CACNA1A: variants seen among roughly 807,000 people sequenced by gnomAD.
CACNA1A encodes the protein calcium voltage-gated channel subunit alpha1 A.
A neutral mutation model predicts 262.4 loss-of-function variants in CACNA1A; 57 were observed. The observed-to-expected ratio is 0.22, with a 90% CI of 0.18 to 0.27. CACNA1A has a LOEUF of 0.27. Among genes scored for constraint, CACNA1A ranks in the 10% least tolerant of loss-of-function variants. The pLI is 1.00. For synonymous variants in CACNA1A, 1,431 were observed against 1,419.3 expected, an observed-to-expected ratio of 1.01 and a Z score of -0.18; for missense variants, 2,526 against 3,562.8, an observed-to-expected ratio of 0.71 and a Z score of 7.41.
chr19:13,282,929 C>T (rs941576348), intron 22 of CACNA1A, among the ~76,000 whole-genome samples: 4 of 152,164 alleles, frequency 2.6e-5, no homozygotes, highest in Non-Finnish European at 2.9e-5. Flanking sequence ...CTGAGCACCG[C>T]CCCTGCCCCA....
chr19:13,287,331 A>G (rs921862454), intron 19 of CACNA1A, among the ~76,000 whole-genome samples: 4 of 151,978 alleles, frequency 2.6e-5, no homozygotes, highest in Non-Finnish European at 5.9e-5. Flanking sequence ...AGTCTGGGTG[A>G]CAGAGTGAGA....
Position 13,210,607 on chromosome 19 carries a change from C to A in CACNA1A, c.6339+10G>T, listed in dbSNP as rs376238265. The A allele has an allele frequency of 7.0e-6, 11 of 1,560,868 alleles. No individual in the cohort carries two copies. The highest frequency in any genetic ancestry group is 8.7e-6 in the Non-Finnish European group (10 of 1,153,702). On this transcript the variant is annotated intron_variant, in intron 44 of 46. Coordinates refer to ENST00000360228, the MANE Select transcript of CACNA1A (RefSeq NM_001127222.2). The stretch of plus-strand genomic sequence containing the variant: ...AGCCCTGCTGGGCGCTGGGCAGGCG[C>A]GGTACATACACTGAGGTTATTCCCA...
intron 1 of CACNA1A, among the ~76,000 whole-genome samples, chr19:13,469,906 C>A (rs980945382): frequency 1.3e-5 from 2 of 152,010 alleles, no homozygotes; most frequent in Admixed American, 6.6e-5. Flanking sequence ...TTGATTATAT[C>A]GCACTTTCTT....
rs549825491 is a variant in CACNA1A, at chr19:13,388,652, T to C, written c.540-16873A>G. Among the ~76,000 whole-genome samples, 22 of 152,316 alleles carry C rather than the reference T, an allele frequency of 1.4e-4. 1 individual carries two copies. The highest frequency in any genetic ancestry group is 3.1e-4 in the African/African-American group (13 of 41,592). ...GGGATATCTTTACCTTTGGTCTGTA[T>C]GACGCCTGTCTCTTGTTTATACCTT... On this transcript the variant is annotated intron_variant, in intron 3 of 46. Coordinates refer to ENST00000360228, the MANE Select transcript of CACNA1A (RefSeq NM_001127222.2).
At chr19:13,387,606 G>C (rs1410574767) in intron 3 of CACNA1A, among the ~76,000 whole-genome samples, 1 of 152,168 alleles carries the variant, frequency 6.6e-6, no homozygotes, top group East Asian at 1.9e-4. Flanking sequence ...TGGGAAGGAG[G>C]TCAATTCTCT....
intron 3 of CACNA1A, among the ~76,000 whole-genome samples, chr19:13,373,909 C>G (rs1307397084): frequency 6.6e-6 from 1 of 152,138 alleles, no homozygotes; most frequent in African/African-American, 2.4e-5. Context: ...AAAACATGCA[C>G]ACAATGAGTG....
At chr19:13,290,874 C>T (rs767900550) in intron 19 of CACNA1A, among the ~76,000 whole-genome samples, 1 of 152,112 alleles carries the variant, frequency 6.6e-6, no homozygotes, top group African/African-American at 2.4e-5. Flanking sequence ...TGGAGAAACT[C>T]GTGGCGGCAT....
intron 17 of CACNA1A, among the ~76,000 whole-genome samples, chr19:13,300,903 C>T (rs928249362): frequency 8.6e-5 from 13 of 151,982 alleles, no homozygotes; most frequent in African/African-American, 3.1e-4. Flanking sequence ...ATAAAAATGT[C>T]CCTTCTCTTC....
At position 13,286,547 on chromosome 19, in the gene CACNA1A, A is replaced by G. The variant is rs2057403818; in HGVS notation, c.3509T>C (p.Ile1170Thr). ...ARKPDHTTVD[I>T]PPACPPPLNH... ...GAGGGGGGGTGGGCAGGCTGGGGGG[A>G]TGTCCACTGTGGTGTGGTCGGGTTT... The change falls in exon 20 of 47, where the codon ATC (isoleucine) becomes ACC (threonine). Residue 1170 changes from isoleucine (I) to threonine (T), a missense_variant. This residue lies in a region of CACNA1A where 765 missense variants were observed against 748.6 expected (regional missense o/e 1.02). Coordinates refer to ENST00000360228, the MANE Select transcript of CACNA1A (RefSeq NM_001127222.2). 3 of 1,519,168 alleles carry G rather than the reference A, an allele frequency of 2.0e-6. No homozygotes were observed. Among genetic ancestry groups the G allele is most frequent in the Non-Finnish European group, 2.6e-6 (3 of 1,137,600 alleles). 94.1% of individuals were successfully genotyped at this position (1,519,168 alleles called of 1,614,324 possible).
chr19:13,440,625 G>T (rs992034345), intron 3 of CACNA1A, among the ~76,000 whole-genome samples: 1 of 152,150 alleles, frequency 6.6e-6, no homozygotes, highest in Non-Finnish European at 1.5e-5. Context: ...ACCTTTTGAG[G>T]TAGGTGCAAT....
At chr19:13,257,202 G>C (rs563858701) in intron 28 of CACNA1A, 148 bp downstream of exon 28, 18 of 623,830 alleles carry the variant, frequency 2.9e-5, no homozygotes, top group South Asian at 8.0e-5. Context: ...CTCCATGAAG[G>C]GCTGCCCTGA....
intron 11 of CACNA1A, among the ~76,000 whole-genome samples, chr19:13,314,005 G>A (rs1443043582): frequency 6.6e-6 from 1 of 152,164 alleles, no homozygotes; most frequent in Non-Finnish European, 1.5e-5. Context: ...AAAGTCTTGA[G>A]TAAGACAAAG....
intron 15 of CACNA1A, among the ~76,000 whole-genome samples, chr19:13,304,590 C>T (rs546334890): frequency 6.7e-6 from 1 of 149,856 alleles, no homozygotes; most frequent in South Asian, 2.1e-4. Context: ...CCACTGCACT[C>T]CAGGCTGGGT....
intron 44 of CACNA1A, among the ~76,000 whole-genome samples, chr19:13,210,004 G>A (rs1012731126): frequency 6.6e-6 from 1 of 152,108 alleles, no homozygotes; most frequent in Admixed American, 6.6e-5. Flanking sequence ...GGGTCCTCCC[G>A]GCTAACGGGG....
Position 13,286,773 on chromosome 19 carries a change from C to T in CACNA1A, c.3283G>A (p.Ala1095Thr). Residue 1095 changes from alanine (A) to threonine (T), a missense_variant, in exon 20 of 47, where the codon GCC becomes ACC. Coordinates refer to ENST00000360228, the MANE Select transcript of CACNA1A (RefSeq NM_001127222.2). The part of the protein sequence containing the change: ...LGHAGLPQSP[A>T]KMGNSTDPGP... ...GGGTCGGTGCTGTTTCCCATCTTGG[C>T]TGGGCTCTGGGGCAGGCCGGCGTGG... The T allele has an allele frequency of 6.2e-7, 1 of 1,611,922 alleles. No individual in the cohort carries two copies. Among genetic ancestry groups the T allele is most frequent in the Non-Finnish European group, 8.5e-7 (1 of 1,179,252 alleles).
At chr19:13,350,123 C>T (rs570769208) in intron 6 of CACNA1A, among the ~76,000 whole-genome samples, 29 of 152,320 alleles carry the variant, frequency 1.9e-4, no homozygotes, top group East Asian at 9.6e-4. Context: ...CAGAAACTCA[C>T]GCCATCCCAA....
chr19:13,485,846 C>T (rs1276649145), intron 1 of CACNA1A, among the ~76,000 whole-genome samples: 1 of 152,078 alleles, frequency 6.6e-6, no homozygotes, highest in African/African-American at 2.4e-5. Context: ...TCTTAGTATC[C>T]AACAATTTCA....
At chr19:13,411,073 C>T (rs921085370) in intron 3 of CACNA1A, among the ~76,000 whole-genome samples, 5 of 152,138 alleles carry the variant, frequency 3.3e-5, no homozygotes, top group Non-Finnish European at 7.4e-5. Context: ...TTTTAGACTC[C>T]AATTCCTATT....
Position 13,212,361 on chromosome 19 carries a change from G to A in CACNA1A, c.6189+23C>T. The A allele has an allele frequency of 1.2e-6, 2 of 1,613,282 alleles. No homozygotes were observed. The highest frequency in any genetic ancestry group is 2.2e-5 in the East Asian group (1 of 44,864). Reference sequence around the variant, plus strand: ...AACCACCCGGGCCCTGGGAGCCATTGGGGAGTTGGGGGACAGAGGCACCTG... The same window carrying A: ...AACCACCCGGGCCCTGGGAGCCATTAGGGAGTTGGGGGACAGAGGCACCTG... On this transcript the variant is annotated intron_variant, in intron 42 of 46. Coordinates refer to ENST00000360228, the MANE Select transcript of CACNA1A (RefSeq NM_001127222.2). This position sits in a 1 kb window ranked among gnomAD's most constrained non-coding sequence, Gnocchi z 5.6.
Sources: allele counts gnomAD v4.1 joint callset (sites outside exome capture counted in the v4.1 genomes callset), GRCh38; gene constraint gnomAD v4.1.1; regional missense constraint gnomAD v4.1.1; non-coding constraint Gnocchi (gnomAD v3.1); transcripts MANE v1.5; gene names NCBI Gene and HGNC (gene_info 2026-07-23, HGNC 2026-07-21).